Variants in GRK5 observed in about 807,000 individuals in gnomAD.
GRK5 encodes the protein G protein-coupled receptor kinase 5.
In GRK5, 40 loss-of-function variants were observed where a neutral mutation model predicts 78.4. The ratio of observed to expected loss-of-function variants is 0.51; its 90% CI spans 0.40 to 0.66. The LOEUF (loss-of-function observed/expected upper bound fraction) is 0.66. GRK5 is among the 30% of genes least tolerant of loss of function. The probability of loss-of-function intolerance (pLI) is 0.00; values close to 1 mark genes in which losing one functional copy is unlikely to be tolerated. For missense variants in GRK5, 598 were observed against 759.9 expected, an observed-to-expected ratio of 0.79 and a Z score of 2.50; for synonymous variants, 289 against 296.8, an observed-to-expected ratio of 0.97 and a Z score of 0.27.
chr10:119,388,775 A>G (rs1851839078), intron 3 of GRK5, among the ~76,000 whole-genome samples: 1 of 152,244 alleles, frequency 6.6e-6, no homozygotes, highest in Non-Finnish European at 1.5e-5. Context: ...TGAGATATTA[A>G]GAAGTTGGCT....
At chr10:119,325,544 C>T (rs1409800390) in intron 1 of GRK5, among the ~76,000 whole-genome samples, 1 of 152,158 alleles carries the variant, frequency 6.6e-6, no homozygotes, top group Non-Finnish European at 1.5e-5. Context: ...GGCTCCATGA[C>T]CTGTGGTGAG....
intron 1 of GRK5, among the ~76,000 whole-genome samples, chr10:119,213,803 T>C (rs1239967767): frequency 6.6e-6 from 1 of 152,184 alleles, no homozygotes; most frequent in Non-Finnish European, 1.5e-5. Flanking sequence ...GAAACCATTC[T>C]TGAATAGGCT....
intron 3 of GRK5, among the ~76,000 whole-genome samples, chr10:119,394,187 T>TGCGTGTGTGG (rs1851945024): frequency 4.7e-5 from 3 of 63,696 alleles, no homozygotes; most frequent in African/African-American, 1.1e-4. Flanking sequence ...TGTGGGTGTC[T>TGCGTGTGTGG]GTGTATGGGG....
chr10:119,212,122 G>A (rs1258061375), intron 1 of GRK5, among the ~76,000 whole-genome samples: 1 of 151,344 alleles, frequency 6.6e-6, no homozygotes, highest in East Asian at 1.9e-4. Context: ...AGCCTGGCCT[G>A]TTAAACACAA....
intron 4 of GRK5, chr10:119,406,602 T>C (rs1852244681): frequency 2.6e-6 from 1 of 387,122 alleles, no homozygotes; most frequent in African/African-American, 2.2e-5. Flanking sequence ...CATCCTGTTG[T>C]CAATTAATCT....
chr10:119,318,781 G>A lies in GRK5; in HGVS notation c.53-7735G>A, dbSNP rs531862039. Among the ~76,000 whole-genome samples the A allele has an allele frequency of 2.6e-5, 4 of 152,016 alleles. No individual in the cohort carries two copies. In the South Asian group the frequency reaches 6.3e-4, roughly 24 times the overall value. The stretch of plus-strand genomic sequence containing the variant: ...GCTTCTCCCTTCTGTTCTCCACACC[G>A]GTTCATTTCAGCCCCTGCCTTGAAA... On this transcript the variant is annotated intron_variant, in intron 1 of 15. Transcript: ENST00000392870.
At chr10:119,416,854 G>A (rs1243014027) in intron 4 of GRK5, among the ~76,000 whole-genome samples, 2 of 152,174 alleles carry the variant, frequency 1.3e-5, no homozygotes, top group Non-Finnish European at 2.9e-5. Context: ...TCGGCCTGCC[G>A]AAGTGCTAGG....
At chr10:119,266,872 T>A (rs2133665854) in intron 1 of GRK5, among the ~76,000 whole-genome samples, 1 of 151,254 alleles carries the variant, frequency 6.6e-6, no homozygotes, top group Middle Eastern at 3.4e-3. Context: ...ACTCCTGGGC[T>A]CAAGTGATTC....
chr10:119,357,761 T>A (rs1333068068), intron 2 of GRK5, among the ~76,000 whole-genome samples: 1 of 150,936 alleles, frequency 6.6e-6, no homozygotes, highest in East Asian at 2.0e-4. Context: ...CCTGCATTCT[T>A]GGCCACGTAG....
intron 4 of GRK5, among the ~76,000 whole-genome samples, chr10:119,408,251 A>C (rs993730149): frequency 1.4e-5 from 2 of 148,054 alleles, no homozygotes; most frequent in African/African-American, 5.0e-5. Flanking sequence ...GAGGTGGGAG[A>C]ATCACCTGAG....
Position 119,379,411 on chromosome 10 carries a change from C to CTT in GRK5, c.149-1402_149-1401dup, listed in dbSNP as rs1851676834. Among the ~76,000 whole-genome samples, 1 of 152,184 alleles carries CTT rather than the reference C, an allele frequency of 6.6e-6. No homozygotes were observed. The highest frequency in any genetic ancestry group is 2.1e-4 in the South Asian group (1 of 4,828). On this transcript the variant is annotated intron_variant, in intron 2 of 15. Coordinates refer to ENST00000392870, the MANE Select transcript of GRK5 (RefSeq NM_005308.3). The surrounding 1 kb of genome is among the most constrained non-coding windows in gnomAD (Gnocchi z 4.1). ...GATCCTCCCTCCCGGCAAGCCATAG[C>CTT]TTTACATCCTGTGGATAAGCATTTT...
chr10:119,247,371 C>T (rs560370029), intron 1 of GRK5, among the ~76,000 whole-genome samples: 11 of 152,274 alleles, frequency 7.2e-5, no homozygotes, highest in African/African-American at 1.7e-4. Context: ...TTTCCACAGT[C>T]GATGACTCCC....
intron 2 of GRK5, among the ~76,000 whole-genome samples, chr10:119,350,087 C>G (rs2133797011): frequency 6.6e-6 from 1 of 152,328 alleles, no homozygotes; most frequent in Middle Eastern, 3.4e-3. Flanking sequence ...CCAGAATGTG[C>G]CACAGGATGG....
chr10:119,261,048 C>T (rs1849380292), intron 1 of GRK5, among the ~76,000 whole-genome samples: 4 of 112,170 alleles, frequency 3.6e-5, no homozygotes, highest in Non-Finnish European at 3.9e-5. Flanking sequence ...ACCCCCCCAC[C>T]TCCCTCCCGG....
chr10:119,327,608 A>T (rs960960314), intron 2 of GRK5, among the ~76,000 whole-genome samples: 1 of 152,186 alleles, frequency 6.6e-6, no homozygotes, highest in Non-Finnish European at 1.5e-5. Flanking sequence ...TCAAGGCCAC[A>T]TGTAGCCATT....
intron 2 of GRK5, among the ~76,000 whole-genome samples, chr10:119,360,076 TGAG>T (rs1260430645): frequency 1.0e-5 from 1 of 98,502 alleles, no homozygotes; most frequent in Non-Finnish European, 2.1e-5. Flanking sequence ...GGAGGGAGGT[TGAG>T]GAGATAGGGG....
chr10:119,211,767 G>C (rs957589514), intron 1 of GRK5: 1 of 152,192 alleles, frequency 6.6e-6, no homozygotes, highest in Non-Finnish European at 1.5e-5. Context: ...TTAGCACCTC[G>C]GGGCCTGGAA....
intron 12 of GRK5, among the ~76,000 whole-genome samples, chr10:119,447,434 C>T (rs1317211694): frequency 1.3e-5 from 2 of 152,152 alleles, no homozygotes; most frequent in African/African-American, 4.8e-5. Flanking sequence ...GGGTGTTCCC[C>T]AGACTCACCC....
chr10:119,414,260 A>C (rs1313039529), intron 4 of GRK5, among the ~76,000 whole-genome samples: 1 of 152,260 alleles, frequency 6.6e-6, no homozygotes, highest in African/African-American at 2.4e-5. Flanking sequence ...CTGGAGATAG[A>C]GTGGACAGTC....
Sources: gnomAD v4.1 joint callset for allele counts (sites outside exome capture counted in the v4.1 genomes callset) on GRCh38, gnomAD v4.1.1 for gene constraint, Gnocchi (gnomAD v3.1) non-coding constraint, MANE v1.5 for transcripts, NCBI Gene and HGNC (gene_info 2026-07-23, HGNC 2026-07-21) for gene names.